Variants in FSTL5 observed in about 807,000 individuals in gnomAD.
FSTL5 encodes follistatin like 5.
A neutral mutation model predicts 89.1 loss-of-function variants in FSTL5; 62 were observed. That is an observed-to-expected ratio of 0.70 (90% CI 0.57 to 0.86). The LOEUF is 0.86. FSTL5 is among the 40% of genes least tolerant of loss of function. FSTL5 has a pLI of 0.00. For synonymous variants in FSTL5, 383 were observed against 346.2 expected, an observed-to-expected ratio of 1.11 and a Z score of -1.18; for missense variants, 1,057 against 1,001.6, an observed-to-expected ratio of 1.06 and a Z score of -0.75.
intron 7 of FSTL5, among the ~76,000 whole-genome samples, chr4:161,627,353 T>G (rs2126652051): frequency 6.6e-6 from 1 of 152,278 alleles, no homozygotes; most frequent in East Asian, 1.9e-4. Context: ...ACTTTAGAAA[T>G]AACATACTTT....
intron 4 of FSTL5, among the ~76,000 whole-genome samples, chr4:161,797,375 T>G (rs1729663978): frequency 6.6e-6 from 1 of 151,618 alleles, no homozygotes; most frequent in African/African-American, 2.4e-5. Flanking sequence ...CATAATACAA[T>G]TACAGTAAAT....
At chr4:161,609,965 G>T (rs1459177788) in intron 7 of FSTL5, among the ~76,000 whole-genome samples, 1 of 152,070 alleles carries the variant, frequency 6.6e-6, no homozygotes, top group East Asian at 1.9e-4. Flanking sequence ...AGGGAAATTT[G>T]TCTCCTAATG....
intron 2 of FSTL5, among the ~76,000 whole-genome samples, chr4:162,059,260 C>T (rs1738647723): frequency 6.6e-6 from 1 of 152,128 alleles, no homozygotes; most frequent in South Asian, 2.1e-4. Flanking sequence ...CAATCATGTA[C>T]TAATTTCTCA....
intron 1 of FSTL5, among the ~76,000 whole-genome samples, chr4:162,147,539 T>A (rs1417790761): frequency 1.3e-5 from 2 of 152,172 alleles, no homozygotes; most frequent in African/African-American, 4.8e-5. Context: ...TCTATTGCTA[T>A]AAGAAAATAC....
chr4:162,007,694 G>A (rs145363596), intron 3 of FSTL5, among the ~76,000 whole-genome samples: 109 of 151,816 alleles, frequency 7.2e-4, no homozygotes, highest in Admixed American at 2.8e-3. Flanking sequence ...ACTCTCTGCC[G>A]TGTAATAGGC....
chr4:161,443,890 T>C (rs1253659123), intron 15 of FSTL5, among the ~76,000 whole-genome samples: 1 of 151,900 alleles, frequency 6.6e-6, no homozygotes, highest in Non-Finnish European at 1.5e-5. Context: ...ATATCAACAT[T>C]AGGATATAAG....
At chr4:161,866,625 T>C (rs1440602690) in intron 4 of FSTL5, among the ~76,000 whole-genome samples, 2 of 151,974 alleles carry the variant, frequency 1.3e-5, no homozygotes, top group African/African-American at 2.4e-5. Flanking sequence ...ATTACCTGAA[T>C]ACTGAGTGAA....
intron 1 of FSTL5, among the ~76,000 whole-genome samples, chr4:162,111,674 A>G (rs7665482): frequency 0.79 from 119,941 of 151,880 alleles, 47,843 homozygotes; most frequent in Non-Finnish European, 0.84. Flanking sequence ...GGTAAGAAAA[A>G]AGTTAATAAA....
chr4:161,496,777 G>C, intron 12 of FSTL5, among the ~76,000 whole-genome samples: 1 of 130,784 alleles, frequency 7.6e-6, no homozygotes, highest in South Asian at 2.2e-4. Context: ...ATAGGAGATA[G>C]ATAGAGAAAA....
At chr4:161,735,434 T>A (rs766641084) in intron 6 of FSTL5, among the ~76,000 whole-genome samples, 16 of 152,060 alleles carry the variant, frequency 1.1e-4, no homozygotes, top group Admixed American at 4.6e-4. Flanking sequence ...CCCCTCTTTC[T>A]CCTCCCCAGA....
chr4:161,997,832 CT>C (rs1354840171), intron 3 of FSTL5, among the ~76,000 whole-genome samples: 2 of 151,902 alleles, frequency 1.3e-5, no homozygotes, highest in East Asian at 1.9e-4. Context: ...TCTCGATCTC[CT>C]GACCTCGTGA....
intron 8 of FSTL5, among the ~76,000 whole-genome samples, chr4:161,572,819 G>C (rs896434623): frequency 6.6e-6 from 1 of 152,106 alleles, no homozygotes; most frequent in African/African-American, 2.4e-5. Context: ...TCAGACTGTA[G>C]GAGAAGTGAG....
At chr4:161,411,739 G>C (rs943401852) in intron 15 of FSTL5, among the ~76,000 whole-genome samples, 3 of 152,000 alleles carry the variant, frequency 2.0e-5, no homozygotes, top group Non-Finnish European at 4.4e-5. Context: ...ATACTGAATG[G>C]GCAAAAGCTC....
At chr4:162,155,151 T>C (rs1287394933) in intron 1 of FSTL5, among the ~76,000 whole-genome samples, 1 of 152,192 alleles carries the variant, frequency 6.6e-6, no homozygotes, top group Non-Finnish European at 1.5e-5. Flanking sequence ...ATTGCTCTTG[T>C]AGTCACATTA....
At chr4:161,544,479 A>C (rs1325704807) in intron 8 of FSTL5, among the ~76,000 whole-genome samples, 1 of 151,974 alleles carries the variant, frequency 6.6e-6, no homozygotes, top group African/African-American at 2.4e-5. Flanking sequence ...GGACTGAGGA[A>C]ATGGAGGAAT....
chr4:161,890,664 G>T (rs1227683821), intron 4 of FSTL5, among the ~76,000 whole-genome samples: 1 of 146,616 alleles, frequency 6.8e-6, no homozygotes, highest in African/African-American at 2.5e-5. Context: ...CTCCAGCCTG[G>T]GCAGCAGAGC....
At chr4:161,939,432 T>G (rs1478959192) in intron 3 of FSTL5, among the ~76,000 whole-genome samples, 1 of 152,010 alleles carries the variant, frequency 6.6e-6, no homozygotes. Context: ...TATTTTTATT[T>G]AAGTCCCAAA....
At chr4:162,139,458 A>C (rs1231298487) in intron 1 of FSTL5, among the ~76,000 whole-genome samples, 1 of 89,832 alleles carries the variant, frequency 1.1e-5, no homozygotes, top group South Asian at 3.2e-4. Flanking sequence ...ACACGCCCAC[A>C]CACACACACA....
At chr4:161,486,085 A>C (rs974136283) in intron 12 of FSTL5, among the ~76,000 whole-genome samples, 5 of 148,190 alleles carry the variant, frequency 3.4e-5, no homozygotes, top group Admixed American at 6.9e-5. Flanking sequence ...CAGAGGTTGC[A>C]GTGAGCCGAG....
Sources: allele counts gnomAD v4.1 joint callset (sites outside exome capture counted in the v4.1 genomes callset), GRCh38; gene constraint gnomAD v4.1.1; transcripts MANE v1.5; gene names NCBI Gene and HGNC (gene_info 2026-07-23, HGNC 2026-07-21).